Variants in NPHP1 observed in about 807,000 individuals in gnomAD.
NPHP1 encodes the protein nephrocystin-1.
NPHP1 carries 70 observed loss-of-function variants against 90.4 expected under a neutral mutation model. That is an observed-to-expected ratio of 0.77 (90% CI 0.64 to 0.95). The LOEUF is 0.95. Ranked by LOEUF, NPHP1 falls within the 40% of genes least tolerant of loss-of-function variation. The pLI is 0.00. For missense variants in NPHP1, 764 were observed against 795.9 expected (o/e 0.96, Z 0.48); for synonymous variants, 256 against 271.7 (o/e 0.94, Z 0.57).
At chr2:110,173,790 T>C (rs1468599932) in intron 4 of NPHP1, among the ~76,000 whole-genome samples, 1 of 152,166 alleles carries the variant, frequency 6.6e-6, no homozygotes, top group Non-Finnish European at 1.5e-5. Flanking sequence ...TCCCTATCAC[T>C]AAGAAAGGCT....
chr2:110,182,690 C>T (rs1683989887), intron 2 of NPHP1, among the ~76,000 whole-genome samples: 1 of 152,132 alleles, frequency 6.6e-6, no homozygotes, highest in African/African-American at 2.4e-5. Context: ...TATAAAAACA[C>T]ACTGAAGTAC....
intron 2 of NPHP1, among the ~76,000 whole-genome samples, chr2:110,183,360 G>A (rs1684044428): frequency 6.6e-6 from 1 of 152,178 alleles, no homozygotes; most frequent in African/African-American, 2.4e-5. Context: ...TTAAGGACAT[G>A]TTCCTGTTGC....
At chr2:110,180,448 C>CTT (rs3086121) in intron 2 of NPHP1, among the ~76,000 whole-genome samples, 1,761 of 80,772 alleles carry the variant, frequency 0.022, 75 homozygotes, top group Middle Eastern at 0.029. Flanking sequence ...CCGTTTGAGT[C>CTT]TTTTTTTTTT....
intron 1 of NPHP1, chr2:110,202,225 C>T (rs989972146): frequency 7.6e-6 from 2 of 263,318 alleles, no homozygotes; most frequent in African/African-American, 4.3e-5. Flanking sequence ...TCAATATACT[C>T]TCCAAAAAGG....
chr2:110,187,012 CA>C (rs1310130801), intron 2 of NPHP1, among the ~76,000 whole-genome samples: 1 of 152,110 alleles, frequency 6.6e-6, no homozygotes, highest in Non-Finnish European at 1.5e-5. Context: ...CTCTGAAATG[CA>C]GCTAAAGCAG....
chr2:110,202,166 T>C (rs1209526447), intron 1 of NPHP1, among the ~76,000 whole-genome samples: 1 of 152,218 alleles, frequency 6.6e-6, no homozygotes, highest in Non-Finnish European at 1.5e-5. Context: ...ATCATGACTT[T>C]GTTTCTCTTG....
Position 110,168,520 on chromosome 2 carries a change from G to T in NPHP1, c.556C>A (p.Pro186Thr), listed in dbSNP as rs577698811. 6.2e-7 allele frequency: 1 copy of T among 1,610,842 alleles called. No homozygotes were observed. Among genetic ancestry groups the T allele is most frequent in the East Asian group, 2.2e-5 (1 of 44,794 alleles). The change falls in exon 6 of 20, where the codon CCT becomes ACT. Residue 186 changes from proline to threonine, a missense_variant. Physicochemically the swap from Pro to Thr is conservative, Grantham distance 38 (BLOSUM62 -1). Coordinates refer to ENST00000445609, the MANE Select transcript of NPHP1 (RefSeq NM_001128178.3). ...TCCTTAGCTATCCACCAACCATCAG[G>T]TTTTTTTTCAATTACAAGGAGAATT... is the stretch of plus-strand genomic sequence containing the variant. Reference protein sequence around the residue: ...GEILLVIEKKPDGWWIAKDAK... With the variant: ...GEILLVIEKKTDGWWIAKDAK...
intron 2 of NPHP1, among the ~76,000 whole-genome samples, chr2:110,183,247 T>C (rs1235748923): frequency 6.6e-6 from 1 of 152,168 alleles, no homozygotes; most frequent in Non-Finnish European, 1.5e-5. Context: ...GTGAAGGTTG[T>C]GGGTTTACCA....
At chr2:110,198,701 G>C (rs1405949917) in intron 2 of NPHP1, among the ~76,000 whole-genome samples, 1 of 152,052 alleles carries the variant, frequency 6.6e-6, no homozygotes, top group African/African-American at 2.4e-5. Context: ...GGCACTGGGG[G>C]ATCCTCAGAC....
At chr2:110,132,576 C>T (rs902074581) in intron 16 of NPHP1, among the ~76,000 whole-genome samples, 5 of 152,112 alleles carry the variant, frequency 3.3e-5, no homozygotes, top group Non-Finnish European at 5.9e-5. Flanking sequence ...ATCCCTTGAG[C>T]CTGGGCGGTG....
intron 17 of NPHP1, among the ~76,000 whole-genome samples, chr2:110,129,717 C>A (rs1023340035): frequency 1.3e-5 from 2 of 152,124 alleles, no homozygotes; most frequent in Non-Finnish European, 2.9e-5. Context: ...GGGAAGGACC[C>A]AAACTTGTGT....
At chr2:110,167,202 T>C (rs1574133957) in intron 6 of NPHP1, among the ~76,000 whole-genome samples, 1 of 152,130 alleles carries the variant, frequency 6.6e-6, no homozygotes, top group African/African-American at 2.4e-5. Context: ...GATAGGAGTA[T>C]GTTTTCTTAC....
At chr2:110,169,534 T>C (rs981925898) in intron 5 of NPHP1, among the ~76,000 whole-genome samples, 2 of 152,252 alleles carry the variant, frequency 1.3e-5, no homozygotes, top group East Asian at 1.9e-4. Context: ...AATGAATTTA[T>C]ACATGACATT....
intron 2 of NPHP1, among the ~76,000 whole-genome samples, chr2:110,200,066 T>G (rs1164359907): frequency 6.6e-6 from 1 of 151,700 alleles, no homozygotes; most frequent in African/African-American, 2.4e-5. Context: ...CCATCCTGGC[T>G]AGCACGGTGA....
intron 19 of NPHP1, chr2:110,124,468 T>G (rs1679211359): frequency 3.5e-6 from 1 of 286,892 alleles, no homozygotes; most frequent in Non-Finnish European, 6.8e-6. Context: ...TGTCATGTTA[T>G]CTAAGATAAT....
chr2:110,129,168 G>A lies in NPHP1; in HGVS notation c.1716+18C>T. On this transcript the variant is annotated intron_variant, in intron 18 of 19. Transcript: ENST00000445609. ...TTCCATAAGCCAGCAGGTTTCCATTGCAATGCATGCTACCCACCCTGAGAG... is the reference window on the plus strand; with the variant it reads ...TTCCATAAGCCAGCAGGTTTCCATTACAATGCATGCTACCCACCCTGAGAG... The A allele has an allele frequency of 6.3e-7, 1 of 1,599,604 alleles. No homozygotes were observed. The highest frequency in any genetic ancestry group is 8.6e-7 in the Non-Finnish European group (1 of 1,167,762).
chr2:110,191,010 G>A (rs1684685352), intron 2 of NPHP1, among the ~76,000 whole-genome samples: 2 of 152,208 alleles, frequency 1.3e-5, no homozygotes, highest in South Asian at 4.2e-4. Context: ...TGGCAAAATT[G>A]CAGAGAAAAA....
intron 17 of NPHP1, among the ~76,000 whole-genome samples, chr2:110,130,803 GTTAAATA>G (rs1319849855): frequency 2.6e-5 from 4 of 152,068 alleles, no homozygotes. Context: ...CACATCTTTT[GTTAAATA>G]TTACTCACTC....
At position 110,150,190 on chromosome 2, in the gene NPHP1, A is replaced by G. The variant is rs767430483; in HGVS notation, c.1150T>C (p.Ser384Pro). Reference protein sequence around the residue: ...QPKKPKTWTFSPQVTRILPCL... With the variant: ...QPKKPKTWTFPPQVTRILPCL... ...TTCAGCAGATTACTTACCTGGGGAG[A>G]AAAGGTCCATGTTTTGGGCTTTTTA... The change falls in exon 12 of 20, where the codon TCT becomes CCT. Residue 384 changes from serine to proline, a missense_variant. Physicochemically the swap from Ser to Pro is moderately conservative, Grantham distance 74 (BLOSUM62 -1). Transcript: ENST00000445609. The G allele has an allele frequency of 6.2e-7, 1 of 1,613,016 alleles. No individual in the cohort carries two copies.
Sources: gnomAD v4.1 joint callset for allele counts (sites outside exome capture counted in the v4.1 genomes callset) on GRCh38, gnomAD v4.1.1 for gene constraint, MANE v1.5 for transcripts, NCBI Gene and HGNC (gene_info 2026-07-23, HGNC 2026-07-21) for gene names.